WDR7: variants seen among roughly 807,000 people sequenced by gnomAD.
WDR7 encodes the protein WD repeat domain 7.
In WDR7, 46 loss-of-function variants were observed where a neutral mutation model predicts 169.4. The ratio of observed to expected loss-of-function variants is 0.27; its 90% CI spans 0.21 to 0.35. The LOEUF is 0.35. Ranked by LOEUF, WDR7 falls within the 10% of genes least tolerant of loss-of-function variation. WDR7 has a pLI of 1.00. For synonymous variants in WDR7, 612 were observed against 666.8 expected (o/e 0.92, Z 1.27); for missense variants, 1,534 against 1,859.3 (o/e 0.83, Z 3.22).
intron 6 of WDR7, 78 bp downstream of exon 6, chr18:56,686,110 C>T: frequency 9.4e-6 from 11 of 1,174,638 alleles, no homozygotes; most frequent in Non-Finnish European, 1.2e-5. Flanking sequence ...TATGCCCCTT[C>T]CATTTTTTTT....
At chr18:56,793,268 A>C (rs1056194540) in intron 19 of WDR7, among the ~76,000 whole-genome samples, 1 of 152,166 alleles carries the variant, frequency 6.6e-6, no homozygotes, top group Non-Finnish European at 1.5e-5. Flanking sequence ...TTTAGAACTT[A>C]TTTGTTCTTA....
chr18:56,660,526 G>A (rs529265020), intron 1 of WDR7, among the ~76,000 whole-genome samples: 2 of 152,176 alleles, frequency 1.3e-5, no homozygotes, highest in East Asian at 3.9e-4. Context: ...GATCCCAAGT[G>A]TTTCAGATAA....
chr18:56,996,529 A>ATGGTTGTAACCAAAAGGT (rs1258975275), intron 26 of WDR7, among the ~76,000 whole-genome samples: 1 of 152,242 alleles, frequency 6.6e-6, no homozygotes, highest in Admixed American at 6.5e-5. Flanking sequence ...GTTTTGACAA[A>ATGGTTGTAACCAAAAGGT]TGGTTGTAAC....
chr18:56,758,906 G>A lies in WDR7; in HGVS notation c.2801G>A (p.Gly934Asp), dbSNP rs983772594. The change falls in exon 16 of 28, where the codon GGT becomes GAT. Residue 934 changes from glycine to aspartate, a missense_variant. Physicochemically the swap from Gly to Asp is moderately conservative, Grantham distance 94 (BLOSUM62 -1). Transcript: ENST00000254442. ...ACCCCAGACCTTTCTAAGGCAAGGGGTTCCCCTCCAACTTCCAGTAATATT... is the reference window on the plus strand; with the variant it reads ...ACCCCAGACCTTTCTAAGGCAAGGGATTCCCCTCCAACTTCCAGTAATATT... ...PSTPDLSKAR[G>D]SPPTSSNIVQ... 1.2e-6 allele frequency: 2 copies of A among 1,612,976 alleles called. No homozygotes were observed. The highest frequency in any genetic ancestry group is 8.5e-7 in the Non-Finnish European group (1 of 1,179,480).
intron 22 of WDR7, among the ~76,000 whole-genome samples, chr18:56,930,182 A>G (rs564875019): frequency 1.3e-5 from 2 of 152,246 alleles, no homozygotes; most frequent in Non-Finnish European, 2.9e-5. Flanking sequence ...AGAAGCATAA[A>G]GTCACTGGAA....
intron 13 of WDR7, among the ~76,000 whole-genome samples, chr18:56,723,286 A>T (rs1043497995): frequency 2.0e-5 from 3 of 151,522 alleles, no homozygotes; most frequent in Non-Finnish European, 2.9e-5. Flanking sequence ...AGTCTTGCAT[A>T]TTTACTTATG....
chr18:56,908,163 C>G (rs866586209), intron 21 of WDR7, among the ~76,000 whole-genome samples: 1 of 152,174 alleles, frequency 6.6e-6, no homozygotes, highest in Non-Finnish European at 1.5e-5. Flanking sequence ...ACATTTGATT[C>G]ACCCTCCACA....
chr18:56,685,226 T>G (rs1365695193), intron 5 of WDR7, among the ~76,000 whole-genome samples: 1 of 152,258 alleles, frequency 6.6e-6, no homozygotes, highest in Non-Finnish European at 1.5e-5. Flanking sequence ...TGGCGTGTCT[T>G]AATTTTTATA....
chr18:56,924,422 T>G (rs574136579), intron 22 of WDR7, among the ~76,000 whole-genome samples: 2 of 152,250 alleles, frequency 1.3e-5, no homozygotes, highest in South Asian at 4.2e-4. Flanking sequence ...ATATATATAT[T>G]AAATACATGA....
chr18:56,765,392 A>C (rs2044046906), intron 16 of WDR7, among the ~76,000 whole-genome samples: 1 of 151,892 alleles, frequency 6.6e-6, no homozygotes, highest in Admixed American at 6.6e-5. Flanking sequence ...TGGCTTTATA[A>C]GCTAATTTTT....
intron 6 of WDR7, 94 bp downstream of exon 6, chr18:56,686,126 G>T: frequency 6.8e-6 from 7 of 1,033,208 alleles, no homozygotes; most frequent in Admixed American, 3.0e-5. Context: ...TTTTTAAGGG[G>T]GAAGGAAAAA....
At chr18:56,663,380 A>G (rs1234957312) in intron 1 of WDR7, among the ~76,000 whole-genome samples, 1 of 152,184 alleles carries the variant, frequency 6.6e-6, no homozygotes, top group African/African-American at 2.4e-5. Context: ...TGATTTGAAT[A>G]TGGACTAGTT....
At chr18:56,935,634 C>T (rs1180029216) in intron 22 of WDR7, among the ~76,000 whole-genome samples, 154 bp from the exon 23 acceptor site, 1 of 152,234 alleles carries the variant, frequency 6.6e-6, no homozygotes, top group Non-Finnish European at 1.5e-5. Context: ...CACCCTGACT[C>T]CTAATCACTG....
At position 56,918,864 on chromosome 18, in the gene WDR7, C is replaced by T. The variant is rs139871309; in HGVS notation, c.3527-5058C>T. Among the ~76,000 whole-genome samples, 219 of 152,310 alleles carry T rather than the reference C, an allele frequency of 1.4e-3. 2 individuals carry two copies. Among genetic ancestry groups the T allele is most frequent in the Middle Eastern group, 3.4e-3 (1 of 294 alleles). ...TATTAAGTTCTTATTGAGTATAAAG[C>T]ACTGTGCTAAGCCTTAGGCCAAACA... On this transcript the variant is annotated intron_variant, in intron 21 of 27. Coordinates refer to ENST00000254442, the MANE Select transcript of WDR7 (RefSeq NM_015285.3).
intron 11 of WDR7, among the ~76,000 whole-genome samples, chr18:56,695,730 T>C (rs971102591): frequency 3.9e-5 from 6 of 152,138 alleles, no homozygotes; most frequent in African/African-American, 1.4e-4. Flanking sequence ...AGGGACAGTT[T>C]CACCATGTTG....
chr18:56,666,768 G>A (rs542571277), intron 1 of WDR7, among the ~76,000 whole-genome samples: 47 of 152,228 alleles, frequency 3.1e-4, no homozygotes, highest in African/African-American at 1.1e-3. Flanking sequence ...TTGCTTTTGA[G>A]CTCTGAGATC....
intron 12 of WDR7, among the ~76,000 whole-genome samples, chr18:56,710,998 A>C (rs573093781): frequency 1.3e-5 from 2 of 151,734 alleles, no homozygotes; most frequent in Non-Finnish European, 2.9e-5. Context: ...GAAATATTCA[A>C]ATTTTTCTAA....
chr18:56,996,251 C>CT (rs1234193252), intron 26 of WDR7, among the ~76,000 whole-genome samples: 2 of 152,026 alleles, frequency 1.3e-5, no homozygotes, highest in African/African-American at 2.4e-5. Context: ...GTAACTGCTT[C>CT]TTTTTTTCTT....
intron 12 of WDR7, among the ~76,000 whole-genome samples, chr18:56,716,017 G>A (rs964074866): frequency 2.1e-5 from 3 of 144,924 alleles, no homozygotes; most frequent in East Asian, 2.1e-4. Flanking sequence ...AATTAGCAAC[G>A]TACATACGTA....
Sources: gnomAD v4.1 joint callset for allele counts (sites outside exome capture counted in the v4.1 genomes callset) on GRCh38, gnomAD v4.1.1 for gene constraint, MANE v1.5 for transcripts, NCBI Gene and HGNC (gene_info 2026-07-23, HGNC 2026-07-21) for gene names.